SAMMSON: variants seen among roughly 807,000 people sequenced by gnomAD.
SAMMSON encodes survival associated mitochondrial melanoma specific oncogenic non-coding RNA.
In SAMMSON at chr3:70,130,060, A is replaced by T. The variant is rs375580215; in HGVS notation, n.507+58495A>T. ...CAATATACACCTGTTTGAATTTTAGAACTGTGGTGAAACAGTGATGACAGT... is the reference window on the plus strand; with the variant it reads ...CAATATACACCTGTTTGAATTTTAGTACTGTGGTGAAACAGTGATGACAGT... On this transcript the variant is annotated intron_variant and non_coding_transcript_variant, in intron 4 of 9. Transcript: ENST00000642114. Among the ~76,000 whole-genome samples, 54 of 152,264 alleles carry T rather than the reference A, an allele frequency of 3.5e-4. No individual in the cohort carries two copies. The East Asian group carries it at 3.9e-3, about 11-fold the overall frequency.
chr3:70,208,081 G>C (rs1448861730), intron 4 of SAMMSON, among the ~76,000 whole-genome samples: 1 of 152,040 alleles, frequency 6.6e-6, no homozygotes, highest in African/African-American at 2.4e-5. Context: ...TCATGTTAGA[G>C]AGAGGACCAG....
intron 2 of SAMMSON, among the ~76,000 whole-genome samples, chr3:70,407,765 G>A (rs1408401242): frequency 6.6e-6 from 1 of 152,200 alleles, no homozygotes; most frequent in East Asian, 1.9e-4. Flanking sequence ...CCATTCTGCA[G>A]TCTGGAGGAT....
intron 3 of SAMMSON, among the ~76,000 whole-genome samples, chr3:70,032,857 T>C (rs716444): frequency 0.026 from 3,939 of 152,242 alleles, 85 homozygotes; most frequent in Admixed American, 0.055. Context: ...TTGGGAGAGC[T>C]CTTCTCTTTG....
Position 70,044,986 on chromosome 3 carries a change from C to T in SAMMSON, n.418-26490C>T, listed in dbSNP as rs28690372. 7.5e-3 allele frequency among the ~76,000 whole-genome samples: 956 copies of T among 127,686 alleles called. 14 individuals carry two copies. Among genetic ancestry groups the T allele is most frequent in the African/African-American group, 0.027 (908 of 33,300 alleles). 83.8% of individuals were successfully genotyped at this position (127,686 alleles called of 152,430 possible). On this transcript the variant is annotated intron_variant and non_coding_transcript_variant, in intron 3 of 9. Coordinates refer to ENST00000642114, the Ensembl canonical transcript of SAMMSON. ...TTAGAGTATTACATAAAGTAAAATA[C>T]TTTAATTATATAATTAATTATATAT...
chr3:70,045,912 C>T (rs1310550841), intron 3 of SAMMSON, among the ~76,000 whole-genome samples: 4 of 151,968 alleles, frequency 2.6e-5, no homozygotes, highest in Non-Finnish European at 5.9e-5. Context: ...AAGATAACTT[C>T]ACAAAAGCAC....
chr3:70,342,043 T>G (rs1702715201), intron 7 of SAMMSON, among the ~76,000 whole-genome samples: 1 of 152,170 alleles, frequency 6.6e-6, no homozygotes, highest in Admixed American at 6.5e-5. Context: ...ATCCTCTTGT[T>G]GGATTACTAC....
chr3:70,163,770 G>A (rs1019131571), intron 4 of SAMMSON, among the ~76,000 whole-genome samples: 2 of 151,940 alleles, frequency 1.3e-5, no homozygotes, highest in Non-Finnish European at 2.9e-5. Flanking sequence ...GTAAAACAAC[G>A]GCCTCTTAAT....
chr3:70,384,149 G>A (rs1222053407), intron 9 of SAMMSON, among the ~76,000 whole-genome samples: 1 of 152,076 alleles, frequency 6.6e-6, no homozygotes, highest in Non-Finnish European at 1.5e-5. Flanking sequence ...GTCACACTGA[G>A]TCTCAAACAT....
intron 3 of SAMMSON, among the ~76,000 whole-genome samples, chr3:70,028,298 C>G (rs772598889): frequency 4.6e-5 from 7 of 151,908 alleles, no homozygotes; most frequent in Non-Finnish European, 1.0e-4. Context: ...TGAGGAATAG[C>G]AGTTGAGGCC....
intron 4 of SAMMSON, among the ~76,000 whole-genome samples, chr3:70,158,285 A>T (rs989611167): frequency 6.6e-6 from 1 of 152,086 alleles, no homozygotes; most frequent in African/African-American, 2.4e-5. Context: ...TGGGAATTTT[A>T]TATAAACGGA....
intron 4 of SAMMSON, among the ~76,000 whole-genome samples, chr3:70,154,378 C>G (rs771421013): frequency 3.9e-5 from 6 of 151,968 alleles, no homozygotes; most frequent in Non-Finnish European, 5.9e-5. Flanking sequence ...TTGCCTATGA[C>G]CATACAACAA....
At chr3:70,329,509 A>C (rs540240102) in intron 7 of SAMMSON, among the ~76,000 whole-genome samples, 5 of 152,138 alleles carry the variant, frequency 3.3e-5, no homozygotes, top group African/African-American at 1.2e-4. Flanking sequence ...GATTATTATA[A>C]AAATATTGTA....
At chr3:70,385,361 C>A (rs1022555329) in intron 9 of SAMMSON, among the ~76,000 whole-genome samples, 2 of 152,032 alleles carry the variant, frequency 1.3e-5, no homozygotes, top group Non-Finnish European at 1.5e-5. Flanking sequence ...AAGACAAAGG[C>A]CAAAATTGGG....
intron 9 of SAMMSON, among the ~76,000 whole-genome samples, chr3:70,380,951 C>T (rs948140338): frequency 1.1e-4 from 17 of 152,090 alleles, no homozygotes; most frequent in African/African-American, 3.6e-4. Context: ...CATTGATGGA[C>T]ATTTGGGTTG....
intron 1 of SAMMSON, among the ~76,000 whole-genome samples, chr3:70,011,630 G>T (rs1220935372): frequency 6.7e-6 from 1 of 150,202 alleles, no homozygotes; most frequent in Non-Finnish European, 1.5e-5. Context: ...TACTATGGAA[G>T]TGAAGTCAAT....
intron 4 of SAMMSON, among the ~76,000 whole-genome samples, chr3:70,237,610 C>A (rs903460522): frequency 6.6e-6 from 1 of 152,202 alleles, no homozygotes; most frequent in African/African-American, 2.4e-5. Flanking sequence ...CAGAGCTAAA[C>A]CTAGTGTCCT....
chr3:70,277,044 A>T (rs530610004), intron 6 of SAMMSON, among the ~76,000 whole-genome samples: 1 of 152,242 alleles, frequency 6.6e-6, no homozygotes, highest in Non-Finnish European at 1.5e-5. Flanking sequence ...GATAATTACC[A>T]AATTTGAAAT....
At chr3:70,329,523 T>C (rs980186356) in intron 7 of SAMMSON, among the ~76,000 whole-genome samples, 10 of 151,768 alleles carry the variant, frequency 6.6e-5, no homozygotes, top group African/African-American at 2.2e-4. Context: ...TATTGTATTA[T>C]AGAAAAAATT....
chr3:70,013,384 C>A (rs1362417705), intron 2 of SAMMSON: 1 of 152,058 alleles, frequency 6.6e-6, no homozygotes, highest in Non-Finnish European at 1.5e-5. Context: ...AGTAAGTGCT[C>A]AGTTATAGTC....
Sources: allele counts gnomAD v4.1 joint callset (sites outside exome capture counted in the v4.1 genomes callset), GRCh38; gene constraint gnomAD v4.1.1; transcripts MANE v1.5; gene names NCBI Gene and HGNC (gene_info 2026-07-23, HGNC 2026-07-21).